Variants in CNTNAP2 observed in about 807,000 individuals in gnomAD.
The protein encoded by CNTNAP2 is contactin-associated protein-like 2.
CNTNAP2 carries 98 observed loss-of-function variants against 155.2 expected under a neutral mutation model. The ratio of observed to expected loss-of-function variants is 0.63; its 90% confidence interval spans 0.54 to 0.75. CNTNAP2 has a LOEUF of 0.75. CNTNAP2 is among the 30% of genes least tolerant of loss of function. The pLI is 0.00. For missense variants in CNTNAP2, 1,727 were observed against 1,688.1 expected (o/e 1.02, Z -0.40); for synonymous variants, 651 against 631.2 (o/e 1.03, Z -0.47).
At chr7:147,877,623 C>T (rs903544725) in intron 13 of CNTNAP2, among the ~76,000 whole-genome samples, 1 of 151,914 alleles carries the variant, frequency 6.6e-6, no homozygotes, top group Non-Finnish European at 1.5e-5. Flanking sequence ...TTGAATTGTT[C>T]CTCCTCCTAG....
At chr7:147,799,115 A>C (rs2116585619) in intron 13 of CNTNAP2, among the ~76,000 whole-genome samples, 1 of 152,334 alleles carries the variant, frequency 6.6e-6, no homozygotes, top group East Asian at 1.9e-4. Context: ...GAAAATAATA[A>C]GAGAATTCTG....
rs971840777 is a variant in CNTNAP2, at chr7:147,317,399, G to A, written c.1498+17109G>A. Among the ~76,000 whole-genome samples the A allele has an allele frequency of 3.0e-4, 46 of 152,238 alleles. 1 individual carries two copies. The highest frequency in any genetic ancestry group is 8.9e-4 in the African/African-American group (37 of 41,540). ...ACCTGAATTACAAGGACCTTGCATCGTATGGTTCCTTTCTGTGTTACACAC... is the reference window on the plus strand; with the variant it reads ...ACCTGAATTACAAGGACCTTGCATCATATGGTTCCTTTCTGTGTTACACAC... On this transcript the variant is annotated intron_variant, in intron 9 of 23. Transcript: ENST00000361727.
chr7:147,252,556 A>G (rs2116662152), intron 8 of CNTNAP2, among the ~76,000 whole-genome samples: 1 of 152,324 alleles, frequency 6.6e-6, no homozygotes, highest in East Asian at 1.9e-4. Context: ...ATTTCATACC[A>G]TAATGAAATA....
At chr7:147,365,383 GAAAA>G (rs10557373) in intron 9 of CNTNAP2, among the ~76,000 whole-genome samples, 32 of 93,640 alleles carry the variant, frequency 3.4e-4, no homozygotes, top group South Asian at 3.0e-3. Context: ...ATCTCAAAAA[GAAAA>G]AAAAAAAAAA....
intron 1 of CNTNAP2, among the ~76,000 whole-genome samples, chr7:146,753,914 C>T (rs531857742): frequency 8.6e-5 from 13 of 151,982 alleles, no homozygotes; most frequent in African/African-American, 1.9e-4. Context: ...TCAACCTATA[C>T]GAAAATAGAA....
At chr7:146,421,913 A>G (rs1796017513) in intron 1 of CNTNAP2, among the ~76,000 whole-genome samples, 1 of 151,742 alleles carries the variant, frequency 6.6e-6, no homozygotes, top group South Asian at 2.1e-4. Context: ...TACACATTGG[A>G]CTTTTCTATA....
intron 16 of CNTNAP2, among the ~76,000 whole-genome samples, chr7:148,137,992 A>G (rs1283353747): frequency 2.0e-5 from 3 of 152,248 alleles, no homozygotes; most frequent in Admixed American, 2.0e-4. Context: ...TCAAGGTGAC[A>G]CTGAAAGGAT....
intron 1 of CNTNAP2, among the ~76,000 whole-genome samples, chr7:146,632,137 A>G (rs1799520971): frequency 6.6e-6 from 1 of 152,150 alleles, no homozygotes; most frequent in Middle Eastern, 3.2e-3. Context: ...CATCAAATGA[A>G]AATTTAGAGA....
At chr7:147,910,176 T>G (rs1375408073) in intron 14 of CNTNAP2, among the ~76,000 whole-genome samples, 1 of 152,216 alleles carries the variant, frequency 6.6e-6, no homozygotes, top group Non-Finnish European at 1.5e-5. Context: ...TTTTTTGTCC[T>G]TGTTTATAAG....
At chr7:147,543,248 A>T (rs536225052) in intron 11 of CNTNAP2, among the ~76,000 whole-genome samples, 1 of 152,258 alleles carries the variant, frequency 6.6e-6, no homozygotes, top group Non-Finnish European at 1.5e-5. Context: ...GCAGGAACTT[A>T]TCCTTAAGGC....
intron 13 of CNTNAP2, among the ~76,000 whole-genome samples, chr7:147,763,358 G>C (rs1023900402): frequency 7.9e-5 from 12 of 151,864 alleles, no homozygotes; most frequent in African/African-American, 2.9e-4. Flanking sequence ...AGGCTGTTTG[G>C]TGGTGAAAGC....
intron 11 of CNTNAP2, among the ~76,000 whole-genome samples, chr7:147,533,622 G>T (rs929341200): frequency 5.6e-4 from 84 of 151,180 alleles, no homozygotes; most frequent in African/African-American, 1.8e-3. Context: ...ATACTTACTT[G>T]GAGCCAGGCA....
At chr7:147,346,966 A>G (rs1189849719) in intron 9 of CNTNAP2, among the ~76,000 whole-genome samples, 2 of 152,118 alleles carry the variant, frequency 1.3e-5, no homozygotes, top group Admixed American at 1.3e-4. Flanking sequence ...GCATTCATTC[A>G]TTATCCTATT....
intron 8 of CNTNAP2, among the ~76,000 whole-genome samples, chr7:147,261,647 T>C (rs952505281): frequency 1.3e-5 from 2 of 152,002 alleles, no homozygotes; most frequent in Admixed American, 6.5e-5. Flanking sequence ...ACAAATATTA[T>C]TTGAATGGCG....
Position 148,409,443 on chromosome 7 carries a change from A to G in CNTNAP2, c.3768A>G (p.Gly1256=). The change falls in exon 23 of 24, where the codon GGA becomes GGG. Residue 1256 remains glycine, a synonymous_variant. Transcript: ENST00000361727. ...GACAAGGCCAAGCTATAAGAAATGG[A>G]GTCAACAGAAACTCGGCTATCATTG... ...NPGQGQAIRN[G]VNRNSAIIGG... The G allele has an allele frequency of 6.2e-7, 1 of 1,613,956 alleles. No homozygotes were observed. Among genetic ancestry groups the G allele is most frequent in the Non-Finnish European group, 8.5e-7 (1 of 1,179,846 alleles).
chr7:147,583,487 T>C (rs908462268), intron 12 of CNTNAP2, among the ~76,000 whole-genome samples: 3 of 133,850 alleles, frequency 2.2e-5, no homozygotes, highest in East Asian at 2.2e-4. Flanking sequence ...CTTATATATA[T>C]ATATAAAAGA....
intron 9 of CNTNAP2, among the ~76,000 whole-genome samples, chr7:147,355,024 G>T (rs879521126): frequency 6.6e-6 from 1 of 152,046 alleles, no homozygotes; most frequent in Non-Finnish European, 1.5e-5. Flanking sequence ...ATCATTTCAA[G>T]AAGTTTTTGG....
intron 11 of CNTNAP2, among the ~76,000 whole-genome samples, chr7:147,561,352 C>T (rs1800061223): frequency 6.6e-6 from 1 of 152,048 alleles, no homozygotes; most frequent in African/African-American, 2.4e-5. Context: ...CTGGGCAGAG[C>T]TGTTTAAAAG....
chr7:147,836,771 T>G (rs1193862534), intron 13 of CNTNAP2, among the ~76,000 whole-genome samples: 1 of 152,124 alleles, frequency 6.6e-6, no homozygotes, highest in East Asian at 1.9e-4. Context: ...AATAAGTGAG[T>G]GATAGTATTT....
Sources: gnomAD v4.1 joint callset for allele counts (sites outside exome capture counted in the v4.1 genomes callset) on GRCh38, gnomAD v4.1.1 for gene constraint, MANE v1.5 for transcripts, NCBI Gene and HGNC (gene_info 2026-07-23, HGNC 2026-07-21) for gene names.